Variants in USP34 observed in about 807,000 individuals in gnomAD.
The protein encoded by USP34 is ubiquitin carboxyl-terminal hydrolase 34.
Under a neutral mutation model 460.3 loss-of-function variants are expected in USP34, and 70 were observed. The ratio of observed to expected loss-of-function variants is 0.15; its 90% CI spans 0.13 to 0.19. The LOEUF is 0.19. Ranked by LOEUF, USP34 falls within the 10% of genes least tolerant of loss-of-function variation. USP34 has a pLI of 1.00. For missense variants in USP34, 3,985 were observed against 4,236.2 expected (o/e 0.94, Z 1.65); for synonymous variants, 1,647 against 1,405.3 (o/e 1.17, Z -3.85).
chr2:61,344,614 T>G (rs1691706814), intron 15 of USP34, among the ~76,000 whole-genome samples: 1 of 152,158 alleles, frequency 6.6e-6, no homozygotes, highest in Non-Finnish European at 1.5e-5. Flanking sequence ...AGAGCTAAAA[T>G]GAAAAATTAA....
At chr2:61,232,953 T>G (rs1461210183) in intron 57 of USP34, among the ~76,000 whole-genome samples, 1 of 138,242 alleles carries the variant, frequency 7.2e-6, no homozygotes, top group Non-Finnish European at 1.5e-5. Flanking sequence ...CACTGAAACC[T>G]CTGCCTCCCA....
intron 79 of USP34, 41 bp downstream of exon 79, chr2:61,188,869 C>G (rs1212022982): frequency 4.4e-6 from 7 of 1,609,096 alleles, no homozygotes; most frequent in Non-Finnish European, 5.9e-6. Flanking sequence ...TTACTCCCTC[C>G]TCCCACCCTA....
intron 48 of USP34, 140 bp from the exon 49 acceptor site, chr2:61,248,823 C>T: frequency 1.5e-6 from 1 of 684,686 alleles, no homozygotes; most frequent in Non-Finnish European, 2.2e-6. Context: ...CAGGGGATAC[C>T]TTCTGAGAAC....
At chr2:61,272,872 T>C (rs1053584664) in intron 41 of USP34, among the ~76,000 whole-genome samples, 1 of 152,120 alleles carries the variant, frequency 6.6e-6, no homozygotes, top group African/African-American at 2.4e-5. Context: ...AGTAATAGAA[T>C]TACTTGCAGA....
intron 1 of USP34, among the ~76,000 whole-genome samples, chr2:61,433,171 C>T (rs888779652): frequency 4.6e-5 from 7 of 152,172 alleles, no homozygotes; most frequent in African/African-American, 1.4e-4. Flanking sequence ...CTGTTGGTGA[C>T]AAAGTCCAGG....
intron 53 of USP34, among the ~76,000 whole-genome samples, chr2:61,236,861 T>A (rs1400732309): frequency 6.6e-6 from 1 of 152,244 alleles, no homozygotes; most frequent in South Asian, 2.1e-4. Flanking sequence ...TTTGTCTTCA[T>A]CTGTCTGAAT....
chr2:61,215,475 T>C (rs895265029), intron 67 of USP34, among the ~76,000 whole-genome samples: 2 of 152,226 alleles, frequency 1.3e-5, no homozygotes, highest in Admixed American at 6.5e-5. Flanking sequence ...GTTAAACTTA[T>C]TAAGCCTATG....
At chr2:61,432,757 G>A (rs1410756686) in intron 1 of USP34, among the ~76,000 whole-genome samples, 1 of 151,798 alleles carries the variant, frequency 6.6e-6, no homozygotes, top group Non-Finnish European at 1.5e-5. Context: ...CTACCCATGA[G>A]TTGGTAAATG....
At chr2:61,409,919 A>G (rs181350209) in intron 2 of USP34, among the ~76,000 whole-genome samples, 99 of 152,248 alleles carry the variant, frequency 6.5e-4, no homozygotes, top group African/African-American at 2.3e-3. Flanking sequence ...GTACACAAAT[A>G]TATGTATTTT....
intron 1 of USP34, among the ~76,000 whole-genome samples, chr2:61,435,815 G>A (rs1044538502): frequency 6.6e-6 from 1 of 152,004 alleles, no homozygotes; most frequent in Non-Finnish European, 1.5e-5. Flanking sequence ...GATCACTTGA[G>A]GTCAGGAGTT....
In USP34 at chr2:61,296,805, C is replaced by A; in HGVS notation, c.4249G>T (p.Glu1417Ter). The change falls in exon 30 of 80, where the codon GAG (glutamate) becomes TAG (stop). Residue 1417 changes from glutamate (E) to a stop codon, truncating the protein, a stop_gained. Coordinates refer to ENST00000398571, the MANE Select transcript of USP34 (RefSeq NM_014709.4). LOFTEE classifies it high-confidence loss of function. ...AAGAGATTTTGTGGGCTCACCTGCTCATCTGAGATATTCTGGAATGCCATC... is the reference window on the plus strand; with the variant it reads ...AAGAGATTTTGTGGGCTCACCTGCTAATCTGAGATATTCTGGAATGCCATC... ...MLMAFQNISD[E>*]QSNDGFNWKE... 1 of 1,612,168 alleles carries A rather than the reference C, an allele frequency of 6.2e-7. No individual in the cohort carries two copies. The highest frequency in any genetic ancestry group is 1.1e-5 in the South Asian group (1 of 90,610).
chr2:61,301,112 C>CT lies in USP34; in HGVS notation c.3966dup (p.Gly1323ArgfsTer33). 6.2e-7 allele frequency: 1 copy of CT among 1,613,782 alleles called. No individual in the cohort carries two copies. Among genetic ancestry groups the CT allele is most frequent in the Non-Finnish European group, 8.5e-7 (1 of 1,179,912 alleles). On this transcript the variant is annotated frameshift_variant, in exon 29 of 80. Coordinates refer to ENST00000398571, the MANE Select transcript of USP34 (RefSeq NM_014709.4). LOFTEE classifies it high-confidence loss of function. ...AGGCAAGATGCTGGCAGCTGAACACCTTCCCCTTTCCGCTCTCTCCTTGGT... is the reference window on the plus strand; with the variant it reads ...AGGCAAGATGCTGGCAGCTGAACACCTTTCCCCTTTCCGCTCTCTCCTTGGT...
At position 61,375,768 on chromosome 2, in the gene USP34, C is replaced by CAA. The variant is rs56304309; in HGVS notation, c.1076+2593_1076+2594dup. Among the ~76,000 whole-genome samples the CAA allele has an allele frequency of 7.8e-4, 63 of 80,844 alleles. 1 individual carries two copies. The highest frequency in any genetic ancestry group is 4.3e-3 in the South Asian group (9 of 2,116). 53.0% of individuals were successfully genotyped at this position (80,844 alleles called of 152,430 possible). ...TGGGTGACAGACCAAGACTCTGTCT[C>CAA]AAAAAAAAAAAAAAAAAAAAAAAAA... On this transcript the variant is annotated intron_variant, in intron 8 of 79. Transcript: ENST00000398571.
At chr2:61,249,156 C>T (rs1305534801) in intron 48 of USP34, among the ~76,000 whole-genome samples, 1 of 152,176 alleles carries the variant, frequency 6.6e-6, no homozygotes, top group Non-Finnish European at 1.5e-5. Context: ...GCAACCTCAT[C>T]GTATGATTTT....
chr2:61,425,384 G>T (rs72886867), intron 1 of USP34, among the ~76,000 whole-genome samples: 121 of 152,038 alleles, frequency 8.0e-4, no homozygotes, highest in African/African-American at 2.6e-3. Flanking sequence ...TAGCAACTAC[G>T]CACACTTCCT....
At position 61,361,079 on chromosome 2, in the gene USP34, CT is replaced by C. The variant is rs370310143; in HGVS notation, c.1251+9241del. 4.0e-3 allele frequency among the ~76,000 whole-genome samples: 616 copies of C among 152,292 alleles called. 3 individuals carry two copies. The highest frequency in any genetic ancestry group is 0.014 in the African/African-American group (578 of 41,568). Reference sequence around the variant, plus strand: ...TAAGAATAGAGTTGGAAGTATCACACTTTTTAATTCCAAAATACATTACATG... The same window carrying C: ...TAAGAATAGAGTTGGAAGTATCACACTTTTAATTCCAAAATACATTACATG... On this transcript the variant is annotated intron_variant, in intron 10 of 79. Coordinates refer to ENST00000398571, the MANE Select transcript of USP34 (RefSeq NM_014709.4).
intron 1 of USP34, among the ~76,000 whole-genome samples, chr2:61,453,911 G>A (rs916775333): frequency 6.6e-6 from 1 of 151,756 alleles, no homozygotes; most frequent in African/African-American, 2.4e-5. Flanking sequence ...TCAGATACTT[G>A]TATTTTGGGT....
intron 75 of USP34, among the ~76,000 whole-genome samples, chr2:61,196,011 G>A (rs546809098): frequency 2.5e-4 from 35 of 140,744 alleles, no homozygotes; most frequent in African/African-American, 7.4e-4. Context: ...GGCTCAAGCC[G>A]TTCTCCCAGC....
chr2:61,257,138 A>T lies in USP34; in HGVS notation c.5992-30T>A, dbSNP rs532626812. 6 of 1,572,138 alleles carry T rather than the reference A, an allele frequency of 3.8e-6. No individual in the cohort carries two copies. In the South Asian group the frequency reaches 6.0e-5, roughly 16 times the overall value. On this transcript the variant is annotated intron_variant, in intron 45 of 79. Transcript: ENST00000398571. Reference sequence around the variant, plus strand: ...AATATAAAACAAACAAAAAATAAGAAACTAGTTAAAACGCAGGCAAATTTG... The same window carrying T: ...AATATAAAACAAACAAAAAATAAGATACTAGTTAAAACGCAGGCAAATTTG...
Sources: gnomAD v4.1 joint callset for allele counts (sites outside exome capture counted in the v4.1 genomes callset) on GRCh38, gnomAD v4.1.1 for gene constraint, MANE v1.5 for transcripts, NCBI Gene and HGNC (gene_info 2026-07-23, HGNC 2026-07-21) for gene names.